CCDC85A: variants seen among roughly 807,000 people sequenced by gnomAD.
The protein encoded by CCDC85A is coiled-coil domain-containing protein 85A.
Under a neutral mutation model 50.2 loss-of-function variants are expected in CCDC85A, and 38 were observed. The ratio of observed to expected loss-of-function variants is 0.76; its 90% CI spans 0.58 to 0.99. The LOEUF (loss-of-function observed/expected upper bound fraction) is 0.99. Ranked by LOEUF, CCDC85A falls within the 50% of genes least tolerant of loss-of-function variation. The pLI is 0.00. For missense variants in CCDC85A, 820 were observed against 742.0 expected, an observed-to-expected ratio of 1.11 and a Z score of -1.22; for synonymous variants, 366 against 301.4, an observed-to-expected ratio of 1.21 and a Z score of -2.22.
chr2:56,209,961 G>T (rs569045498), intron 2 of CCDC85A, among the ~76,000 whole-genome samples: 11 of 152,090 alleles, frequency 7.2e-5, no homozygotes, highest in African/African-American at 2.7e-4. Flanking sequence ...TTAGCAAATG[G>T]ACCTTAAAAC....
chr2:56,280,835 T>C (rs959379737), intron 2 of CCDC85A, among the ~76,000 whole-genome samples: 2 of 152,216 alleles, frequency 1.3e-5, no homozygotes, highest in African/African-American at 4.8e-5. Flanking sequence ...AATAAAGTTA[T>C]ATTATTGACT....
chr2:56,326,306 T>A (rs1303114757), intron 2 of CCDC85A, among the ~76,000 whole-genome samples: 1 of 152,168 alleles, frequency 6.6e-6, no homozygotes, highest in Non-Finnish European at 1.5e-5. Flanking sequence ...ATTAAATACA[T>A]GTAAAAAATG....
At position 56,217,090 on chromosome 2, in the gene CCDC85A, C is replaced by T. The variant is rs190229386; in HGVS notation, c.1240+23650C>T. On this transcript the variant is annotated intron_variant, in intron 2 of 5. Coordinates refer to ENST00000407595, the MANE Select transcript of CCDC85A (RefSeq NM_001080433.2). Reference sequence around the variant, plus strand: ...CTTGCTGCTTTTCCTCTGTCAGACTCACCTCTCAAAGGTTAGGTTAGAGGT... The same window carrying T: ...CTTGCTGCTTTTCCTCTGTCAGACTTACCTCTCAAAGGTTAGGTTAGAGGT... Among the ~76,000 whole-genome samples the T allele has an allele frequency of 2.6e-3, 396 of 152,012 alleles. 1 individual carries two copies. The highest frequency in any genetic ancestry group is 9.1e-3 in the African/African-American group (378 of 41,520).
chr2:56,241,251 G>C (rs922827751), intron 2 of CCDC85A, among the ~76,000 whole-genome samples: 21 of 151,970 alleles, frequency 1.4e-4, no homozygotes, highest in African/African-American at 5.1e-4. Flanking sequence ...CATACAATTT[G>C]TAATAATCAC....
chr2:56,243,746 CA>C (rs1422146891), intron 2 of CCDC85A, among the ~76,000 whole-genome samples: 2 of 152,170 alleles, frequency 1.3e-5, no homozygotes, highest in Non-Finnish European at 2.9e-5. Context: ...GTAGTCTTCA[CA>C]GTCTGGACTT....
In CCDC85A at chr2:56,333,523, G is replaced by A. The variant is rs1444516549; in HGVS notation, c.1241-9356G>A. Among the ~76,000 whole-genome samples the A allele has an allele frequency of 2.0e-5, 3 of 152,158 alleles. No individual in the cohort carries two copies. The East Asian group carries it at 5.8e-4, about 29-fold the overall frequency. The stretch of plus-strand genomic sequence containing the variant: ...GCCTTAATTTGGAGCAAAATGGTGA[G>A]GCTACTGCAGGGGTTGGAATAAAGA... On this transcript the variant is annotated intron_variant, in intron 2 of 5. Transcript: ENST00000407595.
chr2:56,237,605 A>G (rs1669075103), intron 2 of CCDC85A, among the ~76,000 whole-genome samples: 2 of 152,194 alleles, frequency 1.3e-5, no homozygotes, highest in African/African-American at 2.4e-5. Flanking sequence ...AAAGTCAAGG[A>G]AACTGAACTT....
At chr2:56,259,051 A>C (rs561162340) in intron 2 of CCDC85A, among the ~76,000 whole-genome samples, 1 of 152,178 alleles carries the variant, frequency 6.6e-6, no homozygotes, top group South Asian at 2.1e-4. Flanking sequence ...GTTGGATGTC[A>C]TATGGTTATA....
chr2:56,301,146 G>T (rs915904101), intron 2 of CCDC85A, among the ~76,000 whole-genome samples: 4 of 152,052 alleles, frequency 2.6e-5, no homozygotes, highest in Admixed American at 6.6e-5. Flanking sequence ...GAAATAATAA[G>T]AATTTTTCCC....
intron 3 of CCDC85A, among the ~76,000 whole-genome samples, chr2:56,357,437 TC>T (rs1348603051): frequency 1.3e-5 from 2 of 152,240 alleles, no homozygotes; most frequent in African/African-American, 4.8e-5. Context: ...TAATAATTGG[TC>T]TTTAAACCAT....
chr2:56,289,757 G>A (rs1671618712), intron 2 of CCDC85A, among the ~76,000 whole-genome samples: 2 of 152,166 alleles, frequency 1.3e-5, no homozygotes, highest in South Asian at 4.1e-4. Flanking sequence ...GAATTGTCAT[G>A]AGTTTTCAAT....
At chr2:56,306,569 C>T (rs1672457426) in intron 2 of CCDC85A, among the ~76,000 whole-genome samples, 2 of 152,090 alleles carry the variant, frequency 1.3e-5, no homozygotes, top group African/African-American at 2.4e-5. Flanking sequence ...CAATTAATGA[C>T]ATTTGGATGT....
Position 56,357,411 on chromosome 2 carries a change from T to C in CCDC85A, c.1317+14456T>C, listed in dbSNP as rs112169603. Reference sequence around the variant, plus strand: ...GGTGATTTCTTGTGGCTACAGTTGATGCCATAATTTATTGTTAATAATTGG... The same window carrying C: ...GGTGATTTCTTGTGGCTACAGTTGACGCCATAATTTATTGTTAATAATTGG... On this transcript the variant is annotated intron_variant, in intron 3 of 5. Transcript: ENST00000407595. Among the ~76,000 whole-genome samples the C allele has an allele frequency of 5.8e-3, 890 of 152,364 alleles. 5 individuals are homozygous for C. Among genetic ancestry groups the C allele is most frequent in the Middle Eastern group, 0.024 (7 of 294 alleles).
chr2:56,374,228 A>G (rs1008104036), intron 4 of CCDC85A, among the ~76,000 whole-genome samples: 2 of 152,164 alleles, frequency 1.3e-5, no homozygotes, highest in African/African-American at 4.8e-5. Context: ...CTTGTTGGCC[A>G]GTGAGGCTGG....
At chr2:56,279,157 C>G (rs559633107) in intron 2 of CCDC85A, among the ~76,000 whole-genome samples, 1 of 152,286 alleles carries the variant, frequency 6.6e-6, no homozygotes, top group African/African-American at 2.4e-5. Flanking sequence ...GTTGACCTTC[C>G]AGCAGACTCA....
At chr2:56,305,911 A>C (rs866142089) in intron 2 of CCDC85A, among the ~76,000 whole-genome samples, 4 of 152,178 alleles carry the variant, frequency 2.6e-5, no homozygotes, top group Non-Finnish European at 5.9e-5. Context: ...TGACAATGTG[A>C]AGATTGACAC....
chr2:56,247,805 C>A (rs1401358300), intron 2 of CCDC85A, among the ~76,000 whole-genome samples: 1 of 152,140 alleles, frequency 6.6e-6, no homozygotes, highest in Non-Finnish European at 1.5e-5. Flanking sequence ...TAATTCTCTC[C>A]TTTAGATCAC....
intron 2 of CCDC85A, among the ~76,000 whole-genome samples, chr2:56,324,206 G>T (rs1015242205): frequency 6.6e-6 from 1 of 152,090 alleles, no homozygotes; most frequent in Non-Finnish European, 1.5e-5. Context: ...AGAAGCCCCA[G>T]TTGGGTCATT....
Position 56,342,935 on chromosome 2 carries a change from G to A in CCDC85A, c.1297G>A (p.Glu433Lys), listed in dbSNP as rs926857113. 2 of 1,597,526 alleles carry A rather than the reference G, an allele frequency of 1.3e-6. No homozygotes were observed. The highest frequency in any genetic ancestry group is 1.7e-6 in the Non-Finnish European group (2 of 1,171,130). The change falls in exon 3 of 6, where the codon GAA becomes AAA. Residue 433 changes from glutamate to lysine, a missense_variant. Glu to Lys is a moderately conservative substitution (Grantham distance 56). Transcript: ENST00000407595. Reference sequence around the variant, plus strand: ...GGCAAGAGTAAGACAGCTGGAGGAAGAAAATCGCATGCTGCCCCAGGTGGG... The same window carrying A: ...GGCAAGAGTAAGACAGCTGGAGGAAAAAAATCGCATGCTGCCCCAGGTGGG... ...LEARVRQLEE[E>K]NRMLPQASQN...
Sources: gnomAD v4.1 joint callset for allele counts (sites outside exome capture counted in the v4.1 genomes callset) on GRCh38, gnomAD v4.1.1 for gene constraint, MANE v1.5 for transcripts, NCBI Gene and HGNC (gene_info 2026-07-23, HGNC 2026-07-21) for gene names.